The following OCLN variants were observed in gnomAD, a reference collection of about 807,000 sequenced individuals.
OCLN encodes the protein occludin.
In OCLN, 21 loss-of-function variants were observed where a neutral mutation model predicts 47.9. The observed-to-expected ratio is 0.44, with a 90% CI of 0.31 to 0.63. The LOEUF (loss-of-function observed/expected upper bound fraction) is 0.63. Among genes scored for constraint, OCLN ranks in the 30% least tolerant of loss-of-function variants. The pLI is 0.08. For synonymous variants in OCLN, 117 were observed against 198.4 expected, an observed-to-expected ratio of 0.59 and a Z score of 3.45; for missense variants, 360 against 571.0, an observed-to-expected ratio of 0.63 and a Z score of 3.77.
intron 1 of OCLN, among the ~76,000 whole-genome samples, chr5:69,495,788 G>A (rs183106367): frequency 3.8e-4 from 58 of 152,242 alleles, no homozygotes; most frequent in African/African-American, 1.3e-3. Context: ...GTGTGATGGA[G>A]TGAGGGACAG....
chr5:69,494,375 C>T (rs1021116680), intron 1 of OCLN, among the ~76,000 whole-genome samples: 3 of 152,134 alleles, frequency 2.0e-5, no homozygotes, highest in Admixed American at 1.3e-4. Context: ...TTAGTAGAGA[C>T]AGGGTTTTGC....
intron 4 of OCLN, among the ~76,000 whole-genome samples, chr5:69,533,084 TATATAC>T (rs1274253273): frequency 6.9e-6 from 1 of 145,902 alleles, no homozygotes; most frequent in East Asian, 2.0e-4. Flanking sequence ...CACATATATA[TATATAC>T]ACACACACAC....
intron 4 of OCLN, among the ~76,000 whole-genome samples, chr5:69,522,401 A>G (rs1229070366): frequency 2.0e-5 from 3 of 152,104 alleles, no homozygotes; most frequent in African/African-American, 2.4e-5. Context: ...TTTTCGCCCA[A>G]CCTAGACCTT....
At chr5:69,531,544 T>C (rs1382901534) in intron 4 of OCLN, among the ~76,000 whole-genome samples, 2 of 152,234 alleles carry the variant, frequency 1.3e-5, no homozygotes, top group African/African-American at 4.8e-5. Context: ...GTGAAGCATT[T>C]GCCTGTGAAG....
At chr5:69,500,502 G>A (rs1001906082) in intron 1 of OCLN, among the ~76,000 whole-genome samples, 5 of 151,034 alleles carry the variant, frequency 3.3e-5, no homozygotes, top group African/African-American at 1.2e-4. Context: ...CCAGGTTCAA[G>A]CAATTCTGCT....
intron 4 of OCLN, among the ~76,000 whole-genome samples, chr5:69,517,008 T>C (rs552324565): frequency 7.4e-4 from 113 of 152,280 alleles, no homozygotes; most frequent in African/African-American, 2.6e-3. Context: ...TGCAGTGAGC[T>C]GTTATTCTGC....
chr5:69,520,830 T>A (rs1769117043), intron 4 of OCLN, among the ~76,000 whole-genome samples: 1 of 152,026 alleles, frequency 6.6e-6, no homozygotes, highest in Admixed American at 6.5e-5. Context: ...TAATGTAATG[T>A]TGTTACTTTT....
rs755500864 is a variant in OCLN at position 69,509,724 on chromosome 5, A to G, written c.634A>G (p.Ile212Val). 8.7e-6 allele frequency: 14 copies of G among 1,614,052 alleles called. No individual in the cohort carries two copies. The highest frequency in any genetic ancestry group is 1.2e-5 in the Non-Finnish European group (14 of 1,180,010). ...TTCTGGATCTCTATATGGTTCACAA[A>G]TATATGCCCTCTGCAACCAATTTTA... ...QSSGSLYGSQ[I>V]YALCNQFYTP... is the part of the protein sequence containing the mutation. Residue 212 changes from isoleucine (I) to valine (V), a missense_variant, in exon 3 of 9, where the codon ATA becomes GTA. Around this residue, in one of 3 missense-constraint regions of OCLN, gnomAD observed 314 missense variants for 368.1 expected, o/e 0.85. Transcript: ENST00000396442.
In OCLN at chr5:69,515,157, A is replaced by AC. The variant is rs1385582414; in HGVS notation, c.891+1055dup. 3.9e-3 allele frequency among the ~76,000 whole-genome samples: 551 copies of AC among 141,190 alleles called. 4 individuals carry two copies. Among genetic ancestry groups the AC allele is most frequent in the African/African-American group, 0.014 (524 of 37,690 alleles). The allele number at this position is 141,190 out of a possible 152,430, so 92.6% of individuals were successfully genotyped here. ...GGGCGGCTGGCCGGGCGGGGGGCTG[A>AC]CCCCCCCACCTCCCTCCCGGACGGG... On this transcript the variant is annotated intron_variant, in intron 4 of 8. Coordinates refer to ENST00000396442, the MANE Select transcript of OCLN (RefSeq NM_001205254.2).
intron 2 of OCLN, among the ~76,000 whole-genome samples, chr5:69,504,755 T>C (rs555770051): frequency 6.7e-6 from 1 of 148,596 alleles, no homozygotes; most frequent in African/African-American, 2.5e-5. Context: ...GCCAACATGG[T>C]GAACTCCCGT....
At chr5:69,508,435 G>C (rs1468342816) in intron 2 of OCLN, among the ~76,000 whole-genome samples, 1 of 151,964 alleles carries the variant, frequency 6.6e-6, no homozygotes, top group Non-Finnish European at 1.5e-5. Context: ...CCACCTCCCG[G>C]GTTCAAGCAA....
Position 69,513,889 on chromosome 5 carries a change from G to A in OCLN, c.730-59G>A, listed in dbSNP as rs901873610. The A allele has an allele frequency of 6.5e-6, 9 of 1,382,700 alleles. No individual in the cohort carries two copies. The African/African-American group carries it at 1.3e-4, about 20-fold the overall frequency. 85.7% of individuals were successfully genotyped at this position (1,382,700 alleles called of 1,614,324 possible). A position where few individuals can be genotyped will look rare whatever the true frequency, so the allele number is the denominator to read the frequency against. ...TAAGGGTTTTAATAATATGTAGAGG[G>A]TGAATTGTGATTAAGCAATTAAAAT... On this transcript the variant is annotated intron_variant, in intron 3 of 8. Transcript: ENST00000396442.
rs560633719 is a variant in OCLN, at chr5:69,528,889, ACT to A, written c.892-5799_892-5798del. On this transcript the variant is annotated intron_variant, in intron 4 of 8. Coordinates refer to ENST00000396442, the MANE Select transcript of OCLN (RefSeq NM_001205254.2). ...ACCACATGGGTGCAGGTCTAGCCTG[ACT>A]CTCTCCCATGTGTGAACTAGGGATG... 3.4e-4 allele frequency among the ~76,000 whole-genome samples: 52 copies of A among 152,260 alleles called. No individual in the cohort carries two copies. The South Asian group carries it at 0.01, about 30-fold the overall frequency.
At chr5:69,497,178 G>A (rs1322620661) in intron 1 of OCLN, among the ~76,000 whole-genome samples, 1 of 152,104 alleles carries the variant, frequency 6.6e-6, no homozygotes, top group Non-Finnish European at 1.5e-5. Context: ...AGAGGGTGTG[G>A]GGTCAGGGTG....
intron 4 of OCLN, among the ~76,000 whole-genome samples, chr5:69,525,678 A>G (rs920297369): frequency 2.0e-5 from 3 of 152,126 alleles, no homozygotes; most frequent in Non-Finnish European, 4.4e-5. Context: ...TTATGGGGTA[A>G]AGGTCAACTT....
chr5:69,518,735 C>T (rs1382559869), intron 4 of OCLN, among the ~76,000 whole-genome samples: 1 of 152,142 alleles, frequency 6.6e-6, no homozygotes, highest in East Asian at 1.9e-4. Flanking sequence ...ACAATCTCTA[C>T]TTAAAATAGT....
intron 4 of OCLN, among the ~76,000 whole-genome samples, chr5:69,515,798 A>T (rs1360237019): frequency 6.9e-6 from 1 of 145,084 alleles, no homozygotes; most frequent in East Asian, 2.1e-4. Flanking sequence ...CTGGGCAGAG[A>T]CGCTCCTCAC....
chr5:69,515,775 T>C (rs1768942606), intron 4 of OCLN, among the ~76,000 whole-genome samples: 2 of 133,100 alleles, frequency 1.5e-5, no homozygotes, highest in African/African-American at 2.9e-5. Flanking sequence ...TCCTCACTTC[T>C]CAGACGGGGC....
At chr5:69,547,157 C>T (rs1172822160) in intron 6 of OCLN, among the ~76,000 whole-genome samples, 2 of 151,224 alleles carry the variant, frequency 1.3e-5, no homozygotes, top group African/African-American at 4.8e-5. Flanking sequence ...AAAACAAGAG[C>T]AAAAAAATAA....
Sources: gnomAD v4.1 joint callset for allele counts (sites outside exome capture counted in the v4.1 genomes callset) on GRCh38, gnomAD v4.1.1 for gene constraint, gnomAD v4.1.1 regional missense constraint, MANE v1.5 for transcripts, NCBI Gene and HGNC (gene_info 2026-07-23, HGNC 2026-07-21) for gene names.